PIK3CD: variants seen among roughly 807,000 people sequenced by gnomAD.
The protein encoded by PIK3CD is phosphatidylinositol-4,5-bisphosphate 3-kinase catalytic subunit delta, also known as phosphatidylinositol 4,5-bisphosphate 3-kinase catalytic subunit delta isoform.
In PIK3CD, 20 loss-of-function variants were observed where a neutral mutation model predicts 122.9. The observed-to-expected ratio is 0.16, with a 90% CI of 0.11 to 0.24. The LOEUF is 0.24. PIK3CD is among the 10% of genes least tolerant of loss of function. The pLI, the probability that PIK3CD is intolerant of heterozygous loss-of-function variation, is 1.00. For missense variants in PIK3CD, 787 were observed against 1,406.3 expected (o/e 0.56, Z 7.04); for synonymous variants, 596 against 593.4 (o/e 1.00, Z -0.06).
chr1:9,678,738 A>G (rs983495158), intron 1 of PIK3CD, among the ~76,000 whole-genome samples: 1 of 152,234 alleles, frequency 6.6e-6, no homozygotes, highest in African/African-American at 2.4e-5. Context: ...CACACTTGCC[A>G]GCAACCTATT....
rs554125747 is a variant in PIK3CD, at chr1:9,719,531, C to G, written c.1243-390C>G. 2.0e-5 allele frequency among the ~76,000 whole-genome samples: 3 copies of G among 152,254 alleles called. No individual in the cohort carries two copies. Among genetic ancestry groups the G allele is most frequent in the Non-Finnish European group, 4.4e-5 (3 of 68,010 alleles). On this transcript the variant is annotated intron_variant, in intron 9 of 23. Transcript: ENST00000377346. The surrounding 1 kb of genome is among the most constrained non-coding windows in gnomAD (Gnocchi z 5.5). Reference sequence around the variant, plus strand: ...AAAAAATTAGCCGGGCGTGGAGGCACATGCCTGTAATCTCAGCTACTTGGG... The same window carrying G: ...AAAAAATTAGCCGGGCGTGGAGGCAGATGCCTGTAATCTCAGCTACTTGGG...
At chr1:9,657,676 G>T (rs775301331) in intron 1 of PIK3CD, among the ~76,000 whole-genome samples, 3 of 151,932 alleles carry the variant, frequency 2.0e-5, no homozygotes, top group Non-Finnish European at 4.4e-5. Flanking sequence ...TTCAACAACA[G>T]TCCCTGCCCT....
chr1:9,723,376 C>CG lies in PIK3CD; in HGVS notation c.2594+88dup. The CG allele has an allele frequency of 7.1e-7, 1 of 1,408,748 alleles. No homozygotes were observed. Among genetic ancestry groups the CG allele is most frequent in the Non-Finnish European group, 1.0e-6 (1 of 995,334 alleles). 87.3% of individuals were successfully genotyped at this position (1,408,748 alleles called of 1,614,324 possible). On this transcript the variant is annotated intron_variant, in intron 20 of 23. Coordinates refer to ENST00000377346, the MANE Select transcript of PIK3CD (RefSeq NM_005026.5). The surrounding 1 kb of genome is among the most constrained non-coding windows in gnomAD (Gnocchi z 4.9). The stretch of plus-strand genomic sequence containing the variant: ...GGCCTCGCCTGTCAGAACAAAGGAG[C>CG]GGGGAGGGGCCTCAGACCATCTTTG...
rs1023859147 is a variant in PIK3CD, at chr1:9,719,915, C to G, written c.1243-6C>G. ...GGCTGTCCTCACCTGCCCTGTCCTT[C>G]TGCAGGACTGCCCCATTGCCTGGGC... On this transcript the variant is annotated splice_polypyrimidine_tract_variant and splice_region_variant and intron_variant, in intron 9 of 23. Transcript: ENST00000377346. The surrounding 1 kb of genome is among the most constrained non-coding windows in gnomAD (Gnocchi z 5.5). 5.0e-6 allele frequency: 8 copies of G among 1,612,938 alleles called. No individual in the cohort carries two copies. Among genetic ancestry groups the G allele is most frequent in the Non-Finnish European group, 6.8e-6 (8 of 1,179,418 alleles).
intron 1 of PIK3CD, among the ~76,000 whole-genome samples, chr1:9,670,439 C>G (rs141530354): frequency 0.014 from 2,176 of 152,208 alleles, 21 homozygotes; most frequent in Non-Finnish European, 0.023. Context: ...CCAGCAGGAC[C>G]GTGTTTTGAA....
chr1:9,674,264 T>G (rs991201960), intron 1 of PIK3CD, among the ~76,000 whole-genome samples: 11 of 152,242 alleles, frequency 7.2e-5, no homozygotes, highest in African/African-American at 2.7e-4. Flanking sequence ...CTTAGGAGCT[T>G]TGCCGTTTGC....
intron 2 of PIK3CD, among the ~76,000 whole-genome samples, chr1:9,703,475 C>G (rs1201962998): frequency 6.6e-6 from 1 of 152,194 alleles, no homozygotes; most frequent in Non-Finnish European, 1.5e-5. Context: ...CGTAAAGTTA[C>G]TAGCACCCAG....
the PIK3CD span, among the ~76,000 whole-genome samples, chr1:9,639,962 G>C: frequency 3.3e-5 from 5 of 151,442 alleles, no homozygotes; most frequent in Non-Finnish European, 7.4e-5. Flanking sequence ...GGCTAGTCTT[G>C]AACTCCTCAG....
chr1:9,647,231 T>C (rs1644617025), upstream of PIK3CD, among the ~76,000 whole-genome samples: 1 of 150,830 alleles, frequency 6.6e-6, no homozygotes, highest in African/African-American at 2.4e-5. Flanking sequence ...CTGGGTGACA[T>C]GACAAAACCC....
At chr1:9,716,669 G>C (rs1173928163) in intron 6 of PIK3CD, 50 bp downstream of exon 6, 2 of 1,519,898 alleles carry the variant, frequency 1.3e-6, no homozygotes, top group Non-Finnish European at 8.9e-7. Flanking sequence ...GCCCTGGATA[G>C]GGCCTGGGTG....
chr1:9,713,015 C>G (rs1225023930), intron 3 of PIK3CD, among the ~76,000 whole-genome samples: 1 of 152,066 alleles, frequency 6.6e-6, no homozygotes, highest in African/African-American at 2.4e-5. Flanking sequence ...ATCCCCATCT[C>G]TACTGAAAAT....
chr1:9,713,974 T>C (rs967485253), intron 3 of PIK3CD, among the ~76,000 whole-genome samples: 1 of 151,150 alleles, frequency 6.6e-6, no homozygotes, highest in African/African-American at 2.4e-5. Flanking sequence ...CATCTCAGCC[T>C]CCTGAGTAGC....
chr1:9,682,911 A>G (rs1645811329), intron 1 of PIK3CD, among the ~76,000 whole-genome samples: 1 of 152,148 alleles, frequency 6.6e-6, no homozygotes, highest in Non-Finnish European at 1.5e-5. Context: ...AGGGACACTC[A>G]TGGGCCAACC....
Position 9,721,587 on chromosome 1 carries a change from G to C in PIK3CD, c.1955G>C (p.Arg652Pro). The C allele has an allele frequency of 6.2e-7, 1 of 1,612,888 alleles. No homozygotes were observed. The highest frequency in any genetic ancestry group is 8.5e-7 in the Non-Finnish European group (1 of 1,179,988). The change falls in exon 15 of 24, where the codon CGC becomes CCC. Residue 652 changes from arginine to proline, a missense_variant and splice_region_variant. Coordinates refer to ENST00000377346, the MANE Select transcript of PIK3CD (RefSeq NM_005026.5). ...GGCCACTTCCTTTTCTGGCACCTCC[G>C]GTAGCGGGACTTGCCCCAGCCGTTC... The part of the protein sequence containing the change: ...KIGHFLFWHL[R>P]SEMHVPSVAL...
intron 1 of PIK3CD, among the ~76,000 whole-genome samples, chr1:9,679,383 T>C (rs994888916): frequency 6.6e-6 from 1 of 151,954 alleles, no homozygotes; most frequent in Non-Finnish European, 1.5e-5. Flanking sequence ...GAAATTTCTA[T>C]AGAGGATGAG....
rs907681619 is a variant in PIK3CD at position 9,704,243 on chromosome 1, A to G, written c.-32-6181A>G. Among the ~76,000 whole-genome samples the G allele has an allele frequency of 6.6e-6, 1 of 152,174 alleles. No homozygotes were observed. The highest frequency in any genetic ancestry group is 2.4e-5 in the African/African-American group (1 of 41,444). On this transcript the variant is annotated intron_variant, in intron 2 of 23. Transcript: ENST00000377346. This position sits in a 1 kb window ranked among gnomAD's most constrained non-coding sequence, Gnocchi z 5.0. ...AGGTTTTCTGTGAAAGTATTTCCCTACATCCCATTTAGGTAAGGTGTAGTT... is the reference window on the plus strand; with the variant it reads ...AGGTTTTCTGTGAAAGTATTTCCCTGCATCCCATTTAGGTAAGGTGTAGTT...
intron 1 of PIK3CD, among the ~76,000 whole-genome samples, chr1:9,677,345 T>C (rs1007677946): frequency 2.6e-5 from 4 of 152,036 alleles, no homozygotes; most frequent in Non-Finnish European, 5.9e-5. Flanking sequence ...TATATGGCCA[T>C]CTTAAGATTG....
At chr1:9,669,604 G>T (rs777193028) in intron 1 of PIK3CD, among the ~76,000 whole-genome samples, 9 of 152,236 alleles carry the variant, frequency 5.9e-5, no homozygotes, top group Admixed American at 2.0e-4. Context: ...GGGATTACGG[G>T]CATGAGCCTG....
In PIK3CD at chr1:9,721,489, C is replaced by T. The variant is rs1648649207; in HGVS notation, c.1857C>T (p.Leu619=). 6.2e-7 allele frequency: 1 copy of T among 1,613,654 alleles called. No homozygotes were observed. ...ACCTGCTGCAGCTGGTGCAGGTGCTCAAGTACGAGTCCTACCTGGACTGCG... is the reference window on the plus strand; with the variant it reads ...ACCTGCTGCAGCTGGTGCAGGTGCTTAAGTACGAGTCCTACCTGGACTGCG... ...FQYLLQLVQV[L]KYESYLDCEL... Residue 619 remains leucine (L), a synonymous_variant, in exon 15 of 24, where the codon CTC becomes CTT. Transcript: ENST00000377346.
Sources: gnomAD v4.1 joint callset for allele counts (sites outside exome capture counted in the v4.1 genomes callset) on GRCh38, gnomAD v4.1.1 for gene constraint, Gnocchi (gnomAD v3.1) non-coding constraint, MANE v1.5 for transcripts, NCBI Gene and HGNC (gene_info 2026-07-23, HGNC 2026-07-21) for gene names.